The following KTN1 variants were observed in gnomAD, a reference collection of about 807,000 sequenced individuals.
KTN1 encodes kinectin 1, also known as kinectin.
Under a neutral mutation model 222.5 loss-of-function variants are expected in KTN1, and 130 were observed. That is an observed-to-expected ratio of 0.58 (90% confidence interval 0.51 to 0.68). KTN1 has a LOEUF of 0.68. Ranked by LOEUF, KTN1 falls within the 30% of genes least tolerant of loss-of-function variation. The pLI, the probability that KTN1 is intolerant of heterozygous loss-of-function variation, is 0.00. For missense variants in KTN1, 1,508 were observed against 1,500.4 expected (o/e 1.01, Z -0.08); for synonymous variants, 512 against 496.3 (o/e 1.03, Z -0.42).
chr14:55,667,292 A>G lies in KTN1; in HGVS notation c.3229A>G (p.Lys1077Glu). ...TGAGTTGGAGGCTAAAGAAGTTCTC[A>G]AAAAATTATTTCCAAAGGTGTCTGT... ...AVELEAKEVL[K>E]KLFPKVSVPS... The change falls in exon 34 of 44, where the codon AAA becomes GAA. Residue 1077 changes from lysine to glutamate, a missense_variant. Physicochemically the swap from Lys to Glu is moderately conservative, Grantham distance 56. Coordinates refer to ENST00000395314, the MANE Select transcript of KTN1 (RefSeq NM_001079521.2). The G allele has an allele frequency of 6.2e-7, 1 of 1,607,218 alleles. No homozygotes were observed.
chr14:55,616,423 T>C (rs926636930), intron 2 of KTN1, 94 bp from the exon 3 acceptor site: 2 of 1,153,604 alleles, frequency 1.7e-6, no homozygotes, highest in African/African-American at 3.1e-5. Context: ...AAATTTTTAG[T>C]GGTAAAACAT....
chr14:55,639,286 C>G lies in KTN1; in HGVS notation c.1823+64C>G, dbSNP rs904225014. ...ACCACTAACTGATACTTGTTAGATG[C>G]GACACTTATGATTAACTTTATACCT... On this transcript the variant is annotated intron_variant, in intron 13 of 43. Transcript: ENST00000395314. 1.2e-5 allele frequency: 14 copies of G among 1,128,262 alleles called. No individual in the cohort carries two copies. In the African/African-American group the frequency reaches 2.0e-4, roughly 16 times the overall value. 69.9% of individuals were successfully genotyped at this position (1,128,262 alleles called of 1,614,324 possible).
intron 1 of KTN1, among the ~76,000 whole-genome samples, chr14:55,580,753 C>T (rs1285483486): frequency 3.9e-5 from 6 of 152,104 alleles, no homozygotes; most frequent in Admixed American, 1.3e-4. Context: ...TGAGGGCCCC[C>T]GGGAGGGAAG....
intron 1 of KTN1, among the ~76,000 whole-genome samples, chr14:55,600,488 A>G (rs1168071131): frequency 6.6e-6 from 1 of 152,162 alleles, no homozygotes; most frequent in African/African-American, 2.4e-5. Context: ...ATCAAAACTA[A>G]AAAGAACTTG....
intron 18 of KTN1, among the ~76,000 whole-genome samples, chr14:55,645,703 G>A (rs1442990070): frequency 6.6e-6 from 1 of 152,024 alleles, no homozygotes; most frequent in Non-Finnish European, 1.5e-5. Flanking sequence ...TTTCCCATTG[G>A]GAAGTTTTTT....
In KTN1 at chr14:55,630,100, A is replaced by G. The variant is rs775412766; in HGVS notation, c.1221+3A>G. The G allele has an allele frequency of 6.2e-7, 1 of 1,609,886 alleles. No individual in the cohort carries two copies. Among genetic ancestry groups the G allele is most frequent in the Non-Finnish European group, 8.5e-7 (1 of 1,177,638 alleles). On this transcript the variant is annotated splice_donor_region_variant and intron_variant, in intron 7 of 43. Coordinates refer to ENST00000395314, the MANE Select transcript of KTN1 (RefSeq NM_001079521.2). ...AGACTCAACAGATGCAGATGAAGGT[A>G]TATTTTCATTCTTTGGAAACAAGAT...
At chr14:55,650,931 C>G (rs1006072469) in intron 24 of KTN1, among the ~76,000 whole-genome samples, 12 of 151,992 alleles carry the variant, frequency 7.9e-5, no homozygotes, top group Admixed American at 5.9e-4. Context: ...TTTTTTTAAT[C>G]CCCCTGCCCC....
intron 32 of KTN1, among the ~76,000 whole-genome samples, chr14:55,662,496 A>G (rs17685102): frequency 0.06 from 9,193 of 152,250 alleles, 386 homozygotes; most frequent in South Asian, 0.09. Flanking sequence ...ATGAACCCTA[A>G]TAACTTACTG....
chr14:55,640,069 C>A, intron 14 of KTN1, 66 bp downstream of exon 14: 2 of 924,784 alleles, frequency 2.2e-6, no homozygotes, highest in Non-Finnish European at 3.5e-6. Context: ...CTTTGATGCA[C>A]ATAATCAGTA....
chr14:55,649,340 T>A (rs185065274), intron 21 of KTN1, among the ~76,000 whole-genome samples: 1 of 145,966 alleles, frequency 6.9e-6, no homozygotes, highest in Admixed American at 6.8e-5. Context: ...TAATCAGTAA[T>A]AGAGGCTGCA....
chr14:55,632,886 C>T lies in KTN1; in HGVS notation c.1222-349C>T, dbSNP rs192552295. On this transcript the variant is annotated intron_variant, in intron 7 of 43. Coordinates refer to ENST00000395314, the MANE Select transcript of KTN1 (RefSeq NM_001079521.2). The stretch of plus-strand genomic sequence containing the variant: ...AAGAATATTGCTAATGTATAATTGA[C>T]ATAAGATCAGGACAAGCTTAATTTT... 8.5e-5 allele frequency among the ~76,000 whole-genome samples: 13 copies of T among 152,222 alleles called. No homozygotes were observed. The East Asian group carries it at 1.5e-3, about 18-fold the overall frequency.
intron 1 of KTN1, among the ~76,000 whole-genome samples, chr14:55,581,323 C>T (rs2031551733): frequency 6.6e-6 from 1 of 152,356 alleles, no homozygotes; most frequent in Middle Eastern, 3.4e-3. Context: ...CAGTGTTGGC[C>T]CTTCTTTCCT....
chr14:55,584,804 A>T (rs761203164), intron 1 of KTN1, among the ~76,000 whole-genome samples: 20 of 152,294 alleles, frequency 1.3e-4, no homozygotes, highest in South Asian at 2.1e-4. Flanking sequence ...TGTCTAGCAC[A>T]TAGCAGGTCC....
At chr14:55,595,317 T>C (rs971587538) in intron 1 of KTN1, among the ~76,000 whole-genome samples, 3 of 152,156 alleles carry the variant, frequency 2.0e-5, no homozygotes, top group Admixed American at 2.0e-4. Context: ...GCTTGAAAAG[T>C]GGTAATTTTC....
At chr14:55,673,332 C>CA in intron 40 of KTN1, 77 bp downstream of exon 40, 1 of 850,458 alleles carries the variant, frequency 1.2e-6, no homozygotes. Flanking sequence ...ACCATCCAGG[C>CA]TTTTTTTTCT....
rs1441023117 is a variant in KTN1 at position 55,663,998 on chromosome 14, C to T, written c.3134C>T (p.Ser1045Leu). The change falls in exon 33 of 44, where the codon TCA (serine) becomes TTA (leucine). Residue 1045 changes from serine (S) to leucine (L), a missense_variant. Transcript: ENST00000395314. ...TGGGAAGCAATGGAAGCATTGGCAT[C>T]AACTGAAAAAATGCTGCAGGACAAA... ...KNWEAMEALA[S>L]TEKMLQDKVN... The T allele has an allele frequency of 1.4e-5, 23 of 1,612,536 alleles. No homozygotes were observed. The highest frequency in any genetic ancestry group is 2.7e-5 in the African/African-American group (2 of 74,818).
In KTN1 at chr14:55,636,430, T is replaced by C. The variant is rs767807818; in HGVS notation, c.1462-19T>C. The C allele has an allele frequency of 1.3e-6, 2 of 1,572,620 alleles. No individual in the cohort carries two copies. The highest frequency in any genetic ancestry group is 1.7e-6 in the Non-Finnish European group (2 of 1,147,932). ...TGTGTTTGTGCTAATTTATCCTTTC[T>C]CCCTTTTAAAATACCAAGGTTCAAC... On this transcript the variant is annotated intron_variant, in intron 9 of 43. Transcript: ENST00000395314.
chr14:55,680,520 A>G, intron 43 of KTN1: 1 of 455,626 alleles, frequency 2.2e-6, no homozygotes, highest in Non-Finnish European at 4.5e-6. Context: ...AACAATCATG[A>G]TATCCTGGAG....
At chr14:55,634,986 C>A (rs377586101) in intron 9 of KTN1, among the ~76,000 whole-genome samples, 26 of 152,232 alleles carry the variant, frequency 1.7e-4, no homozygotes, top group African/African-American at 6.0e-4. Context: ...GATTCAGTTA[C>A]CTCCACGTGG....
Sources: gnomAD v4.1 joint callset for allele counts (sites outside exome capture counted in the v4.1 genomes callset) on GRCh38, gnomAD v4.1.1 for gene constraint, MANE v1.5 for transcripts, NCBI Gene and HGNC (gene_info 2026-07-23, HGNC 2026-07-21) for gene names.